The following FBXO8 variants were observed in gnomAD, a reference collection of about 807,000 sequenced individuals.
The protein encoded by FBXO8 is F-box only protein 8.
FBXO8 carries 15 observed loss-of-function variants against 33.4 expected under a neutral mutation model. The ratio of observed to expected loss-of-function variants is 0.45; its 90% confidence interval spans 0.30 to 0.69. FBXO8 has a LOEUF of 0.69. FBXO8 is among the 30% of genes least tolerant of loss of function. The pLI, the probability that FBXO8 is intolerant of heterozygous loss-of-function variation, is 0.08. For synonymous variants in FBXO8, 132 were observed against 131.5 expected (o/e 1.00, Z -0.02); for missense variants, 274 against 380.3 (o/e 0.72, Z 2.32).
At position 174,263,537 on chromosome 4, in the gene FBXO8, C is replaced by T. The variant is rs1420721637; in HGVS notation, c.-8-437G>A. ...CACAATTCAGTCTAAGCTAAGCTAGCTCCTTTTAACCAAACTCCCAGATGC... is the reference window on the plus strand; with the variant it reads ...CACAATTCAGTCTAAGCTAAGCTAGTTCCTTTTAACCAAACTCCCAGATGC... On this transcript the variant is annotated intron_variant, in intron 1 of 5. Coordinates refer to ENST00000393674, the MANE Select transcript of FBXO8 (RefSeq NM_012180.3). The surrounding 1 kb of genome is among the most constrained non-coding windows in gnomAD (Gnocchi z 4.2). Among the ~76,000 whole-genome samples, 2 of 152,128 alleles carry T rather than the reference C, an allele frequency of 1.3e-5. No homozygotes were observed. The highest frequency in any genetic ancestry group is 4.8e-5 in the African/African-American group (2 of 41,420).
chr4:174,277,609 C>T lies in FBXO8; in HGVS notation c.-9+5801G>A, dbSNP rs1736988258. Reference sequence around the variant, plus strand: ...ACTTTTGTTTGAAGCAAACCAATTCCATAAAGCTTTTACTGAGCAAACGGT... The same window carrying T: ...ACTTTTGTTTGAAGCAAACCAATTCTATAAAGCTTTTACTGAGCAAACGGT... On this transcript the variant is annotated intron_variant, in intron 1 of 5. Coordinates refer to ENST00000393674, the MANE Select transcript of FBXO8 (RefSeq NM_012180.3). This position sits in a 1 kb window ranked among gnomAD's most constrained non-coding sequence, Gnocchi z 4.9. Among the ~76,000 whole-genome samples, 1 of 152,110 alleles carries T rather than the reference C, an allele frequency of 6.6e-6. No individual in the cohort carries two copies. The highest frequency in any genetic ancestry group is 2.4e-5 in the African/African-American group (1 of 41,448).
chr4:174,247,730 T>C lies in FBXO8; in HGVS notation c.457-6512A>G, dbSNP rs1026345743. 2.6e-5 allele frequency among the ~76,000 whole-genome samples: 4 copies of C among 152,038 alleles called. No individual in the cohort carries two copies. The highest frequency in any genetic ancestry group is 9.7e-5 in the African/African-American group (4 of 41,424). ...ATAATGTAAAAATTAAGTGACACAA[T>C]ATACGTTATTAATAGTAAAAATAAT... On this transcript the variant is annotated intron_variant, in intron 3 of 5. Coordinates refer to ENST00000393674, the MANE Select transcript of FBXO8 (RefSeq NM_012180.3). The surrounding 1 kb of genome is among the most constrained non-coding windows in gnomAD (Gnocchi z 4.6).
chr4:174,282,500 AAAT>A (rs1301271096), intron 1 of FBXO8, among the ~76,000 whole-genome samples: 1 of 152,214 alleles, frequency 6.6e-6, no homozygotes, highest in Non-Finnish European at 1.5e-5. Flanking sequence ...AATATGAAAA[AAAT>A]AATAAAACTT....
intron 3 of FBXO8, among the ~76,000 whole-genome samples, chr4:174,250,821 G>A (rs1736268891): frequency 6.6e-6 from 1 of 152,026 alleles, no homozygotes; most frequent in African/African-American, 2.4e-5. Flanking sequence ...CTGTGACACT[G>A]GTAACAATTG....
At chr4:174,239,275 G>T in intron 4 of FBXO8, 85 bp from the exon 5 acceptor site, 1 of 880,014 alleles carries the variant, frequency 1.1e-6, no homozygotes, top group Non-Finnish European at 1.7e-6. Context: ...TCCATTTTTT[G>T]GATAAAATAC....
intron 2 of FBXO8, among the ~76,000 whole-genome samples, chr4:174,260,247 C>T (rs781552520): frequency 7.9e-5 from 12 of 151,894 alleles, no homozygotes; most frequent in Non-Finnish European, 1.6e-4. Flanking sequence ...AAAACAGTTG[C>T]CCAAGATCAT....
At position 174,251,656 on chromosome 4, in the gene FBXO8, A is replaced by G. The variant is rs549322020; in HGVS notation, c.456+8043T>C. ...ACCATATTACTCTCAAAAAAAAGAAAATCACCTCCAGTTTAGCACCATTTG... is the reference window on the plus strand; with the variant it reads ...ACCATATTACTCTCAAAAAAAAGAAGATCACCTCCAGTTTAGCACCATTTG... On this transcript the variant is annotated intron_variant, in intron 3 of 5. Transcript: ENST00000393674. The surrounding 1 kb of genome is among the most constrained non-coding windows in gnomAD (Gnocchi z 4.2). Among the ~76,000 whole-genome samples the G allele has an allele frequency of 2.5e-4, 38 of 152,212 alleles. No individual in the cohort carries two copies. Among genetic ancestry groups the G allele is most frequent in the African/African-American group, 8.7e-4 (36 of 41,546 alleles).
intron 3 of FBXO8, among the ~76,000 whole-genome samples, chr4:174,249,434 C>T (rs1163749879): frequency 6.6e-6 from 1 of 151,938 alleles, no homozygotes. Flanking sequence ...AGAATTCTTG[C>T]TTTATAAGAA....
rs1427551385 is a variant in FBXO8, at chr4:174,237,589, A to G, written c.783T>C (p.Tyr261=). ...GTAGAATCAAAGAGTAGCACAGTACATAGACAGCATCTGGAAAGAAAAAGA... is the reference window on the plus strand; with the variant it reads ...GTAGAATCAAAGAGTAGCACAGTACGTAGACAGCATCTGGAAAGAAAAAGA... ...RELGLSPDAV[Y]VLCYSLILLS... is the part of the protein sequence containing the mutation. The change falls in exon 6 of 6, where the codon TAT becomes TAC. Residue 261 remains tyrosine, a synonymous_variant. Transcript: ENST00000393674. This position sits in a 1 kb window ranked among gnomAD's most constrained non-coding sequence, Gnocchi z 4.4. The G allele has an allele frequency of 3.1e-6, 5 of 1,594,318 alleles. No individual in the cohort carries two copies. In the African/African-American group the frequency reaches 4.0e-5, roughly 13 times the overall value.
At position 174,262,356 on chromosome 4, in the gene FBXO8, T is replaced by C. The variant is rs529430497; in HGVS notation, c.329+408A>G. ...AACAGTAACATTTGAGGACTATTCA[T>C]TGATTTCGAAGTCTGCCTATTATTC... On this transcript the variant is annotated intron_variant, in intron 2 of 5. Transcript: ENST00000393674. This position sits in a 1 kb window ranked among gnomAD's most constrained non-coding sequence, Gnocchi z 4.6. 2.1e-3 allele frequency among the ~76,000 whole-genome samples: 316 copies of C among 152,294 alleles called. 2 individuals are homozygous for C. Among genetic ancestry groups the C allele is most frequent in the African/African-American group, 7.3e-3 (303 of 41,570 alleles).
In FBXO8 at chr4:174,283,624, G is replaced by T. The variant is rs922107973; in HGVS notation, c.-223C>A. 3 of 350,058 alleles carry T rather than the reference G, an allele frequency of 8.6e-6. No individual in the cohort carries two copies. Among genetic ancestry groups the T allele is most frequent in the Middle Eastern group, 1.4e-3 (2 of 1,390 alleles). The allele number at this position is 350,058 out of a possible 1,614,324, so 21.7% of individuals were successfully genotyped here. A position where few individuals can be genotyped will look rare whatever the true frequency, so the allele number is the denominator to read the frequency against. On this transcript the variant is annotated 5_prime_UTR_variant, in exon 1 of 6. Coordinates refer to ENST00000393674, the MANE Select transcript of FBXO8 (RefSeq NM_012180.3). The surrounding 1 kb of genome is among the most constrained non-coding windows in gnomAD (Gnocchi z 6.7). ...AACTCAGGGTACCTCCAGCTGCAGG[G>T]GCCAGAACTGCCGACTATCCCAATT...
chr4:174,249,854 A>G (rs1736246502), intron 3 of FBXO8, among the ~76,000 whole-genome samples: 1 of 151,992 alleles, frequency 6.6e-6, no homozygotes, highest in South Asian at 2.1e-4. Context: ...ATGTCAGAAA[A>G]TACAATTAAA....
Position 174,270,864 on chromosome 4 carries a change from G to A in FBXO8, c.-8-7764C>T, listed in dbSNP as rs890233807. 9.2e-5 allele frequency among the ~76,000 whole-genome samples: 14 copies of A among 152,096 alleles called. No homozygotes were observed. The East Asian group carries it at 1.4e-3, about 15-fold the overall frequency. On this transcript the variant is annotated intron_variant, in intron 1 of 5. Transcript: ENST00000393674. This position sits in a 1 kb window ranked among gnomAD's most constrained non-coding sequence, Gnocchi z 4.6. The stretch of plus-strand genomic sequence containing the variant: ...ACTCCTCACCTCAGGTGATCCGCCC[G>A]CCTCGGCTTCTCAGGAATAGGTTTT...
rs1267750020 is a variant in FBXO8 at position 174,255,913 on chromosome 4, T to C, written c.456+3786A>G. ...GATGGTTTTCAGCACATTCCTTTACTAGAATGTGGCCACCTGCCACAAAGT... is the reference window on the plus strand; with the variant it reads ...GATGGTTTTCAGCACATTCCTTTACCAGAATGTGGCCACCTGCCACAAAGT... On this transcript the variant is annotated intron_variant, in intron 3 of 5. Transcript: ENST00000393674. The surrounding 1 kb of genome is among the most constrained non-coding windows in gnomAD (Gnocchi z 4.3). 3 of 259,312 alleles carry C rather than the reference T, an allele frequency of 1.2e-5. No homozygotes were observed. Among genetic ancestry groups the C allele is most frequent in the Non-Finnish European group, 1.6e-5 (2 of 124,890 alleles). The allele number at this position is 259,312 out of a possible 1,614,324, so 16.1% of individuals were successfully genotyped here.
Position 174,275,422 on chromosome 4 carries a change from ATT to A in FBXO8, c.-9+7986_-9+7987del, listed in dbSNP as rs1331716648. ...GTCAAAATCCTGGTTTTGATAGTAT[ATT>A]ATAGTTACAAAACTATTACCAATCA... is the stretch of plus-strand genomic sequence containing the variant. On this transcript the variant is annotated intron_variant, in intron 1 of 5. Coordinates refer to ENST00000393674, the MANE Select transcript of FBXO8 (RefSeq NM_012180.3). The surrounding 1 kb of genome is among the most constrained non-coding windows in gnomAD (Gnocchi z 4.4). Among the ~76,000 whole-genome samples, 3 of 152,194 alleles carry A rather than the reference ATT, an allele frequency of 2.0e-5. No homozygotes were observed. The highest frequency in any genetic ancestry group is 2.9e-5 in the Non-Finnish European group (2 of 68,026).
rs1736176704 is a variant in FBXO8, at chr4:174,247,043, T to C, written c.457-5825A>G. On this transcript the variant is annotated intron_variant, in intron 3 of 5. Transcript: ENST00000393674. The surrounding 1 kb of genome is among the most constrained non-coding windows in gnomAD (Gnocchi z 4.6). ...TAATGTGAATTCAGCCCATCTCTTG[T>C]TAAGGTTAAGCAAAATCTACCATAC... 6.6e-6 allele frequency among the ~76,000 whole-genome samples: 1 copy of C among 152,004 alleles called. No individual in the cohort carries two copies. Among genetic ancestry groups the C allele is most frequent in the South Asian group, 2.1e-4 (1 of 4,828 alleles).
At position 174,246,254 on chromosome 4, in the gene FBXO8, G is replaced by A. The variant is rs1736155995; in HGVS notation, c.457-5036C>T. On this transcript the variant is annotated intron_variant, in intron 3 of 5. Transcript: ENST00000393674. ...TGGTTCTGCAACTTAATGATGATAT[G>A]AACATAAACAATCTACACAATCTTC... Among the ~76,000 whole-genome samples the A allele has an allele frequency of 4.0e-5, 6 of 151,478 alleles. No homozygotes were observed. In the South Asian group the frequency reaches 1.3e-3, roughly 32 times the overall value.
Position 174,256,910 on chromosome 4 carries a change from G to A in FBXO8, c.456+2789C>T, listed in dbSNP as rs142693989. On this transcript the variant is annotated intron_variant, in intron 3 of 5. Coordinates refer to ENST00000393674, the MANE Select transcript of FBXO8 (RefSeq NM_012180.3). This position sits in a 1 kb window ranked among gnomAD's most constrained non-coding sequence, Gnocchi z 4.6. ...TCCAGAGTATCTTTAAATCAGGCCA[G>A]GGAGTAAAAAAAAAAGAAAATACAG... is the stretch of plus-strand genomic sequence containing the variant. Among the ~76,000 whole-genome samples the A allele has an allele frequency of 6.6e-6, 1 of 151,210 alleles. No individual in the cohort carries two copies. The highest frequency in any genetic ancestry group is 1.5e-5 in the Non-Finnish European group (1 of 67,824).
intron 5 of FBXO8, 38 bp downstream of exon 5, chr4:174,238,956 G>T (rs766627067): frequency 1.6e-6 from 2 of 1,240,422 alleles, no homozygotes; most frequent in Non-Finnish European, 2.1e-6. Context: ...CCTAAAGATG[G>T]GCAGGGGGTG....
Sources: gnomAD v4.1 joint callset for allele counts (sites outside exome capture counted in the v4.1 genomes callset) on GRCh38, gnomAD v4.1.1 for gene constraint, Gnocchi (gnomAD v3.1) non-coding constraint, MANE v1.5 for transcripts, NCBI Gene and HGNC (gene_info 2026-07-23, HGNC 2026-07-21) for gene names.